Variants in ZNF600 observed in about 807,000 individuals in gnomAD.
ZNF600 encodes the protein zinc finger protein 600, also known as zinc finger protein KR-ZNF1.
Under a neutral mutation model 7.3 loss-of-function variants are expected in ZNF600, and 4 were observed. The observed-to-expected ratio is 0.55, with a 90% CI of 0.27 to 1.25. ZNF600 has a LOEUF of 1.25. ZNF600 is among the 50% of genes most tolerant of loss of function. The pLI is 0.12. For synonymous variants in ZNF600, 290 were observed against 308.9 expected (o/e 0.94, Z 0.64); for missense variants, 911 against 922.1 (o/e 0.99, Z 0.16).
chr19:52,823,496 G>A, the ZNF600 span, among the ~76,000 whole-genome samples: 3 of 152,268 alleles, frequency 2.0e-5, 1 homozygote, highest in East Asian at 1.9e-4. Flanking sequence ...GACTACAGGC[G>A]TGCGCCACCG....
At chr19:52,782,234 A>T (rs778309210) in intron 1 of ZNF600, among the ~76,000 whole-genome samples, 3 of 152,066 alleles carry the variant, frequency 2.0e-5, no homozygotes, top group Admixed American at 6.6e-5. Flanking sequence ...AAAAAAATAA[A>T]AATTAAAGGC....
At chr19:52,811,685 C>T in the ZNF600 span, among the ~76,000 whole-genome samples, 4 of 147,618 alleles carry the variant, frequency 2.7e-5, no homozygotes, top group East Asian at 2.1e-4. Context: ...GTGAGGAGCC[C>T]CTCCGTCCGG....
the ZNF600 span, among the ~76,000 whole-genome samples, chr19:52,795,331 T>C: frequency 6.6e-6 from 1 of 152,140 alleles, no homozygotes; most frequent in Non-Finnish European, 1.5e-5. Flanking sequence ...GCTAAAATCA[T>C]TTATCAGGTA....
chr19:52,810,566 G>C, the ZNF600 span: 15 of 1,593,152 alleles, frequency 9.4e-6, no homozygotes, highest in African/African-American at 1.3e-5. Context: ...AACAGACCGG[G>C]GTCTTCCACG....
chr19:52,768,439 C>CA (rs34209404), intron 3 of ZNF600, among the ~76,000 whole-genome samples: 840 of 66,744 alleles, frequency 0.013, 7 homozygotes, highest in Admixed American at 0.018. Context: ...GACTCCACCT[C>CA]AAAAAAAAAA....
the ZNF600 span, chr19:52,800,995 T>C: frequency 1.2e-6 from 2 of 1,614,066 alleles, no homozygotes; most frequent in Non-Finnish European, 1.7e-6. Flanking sequence ...AAGAGGGATG[T>C]ATTGTGACCA....
At chr19:52,823,860 G>A in the ZNF600 span, among the ~76,000 whole-genome samples, 1 of 151,950 alleles carries the variant, frequency 6.6e-6, no homozygotes, top group African/African-American at 2.4e-5. Context: ...GTCGGAAGTT[G>A]GAGACCGGCC....
At chr19:52,832,864 C>T in the ZNF600 span, among the ~76,000 whole-genome samples, 9 of 152,032 alleles carry the variant, frequency 5.9e-5, no homozygotes, top group African/African-American at 2.2e-4. Flanking sequence ...CTCCACCTCC[C>T]GGATTCAAGT....
chr19:52,787,401 C>CTTTTTTTT (rs1167453014), upstream of ZNF600, among the ~76,000 whole-genome samples: 37 of 114,822 alleles, frequency 3.2e-4, no homozygotes, highest in East Asian at 4.9e-4. Flanking sequence ...CGCTCTTTTA[C>CTTTTTTTT]TTTTTTTTTT....
At chr19:52,799,749 G>T in the ZNF600 span, 1 of 1,613,668 alleles carries the variant, frequency 6.2e-7, no homozygotes, top group South Asian at 1.1e-5. Flanking sequence ...CTGACTGAAG[G>T]TCTTGCCACA....
chr19:52,764,194 GTTTTT>G (rs529224442), downstream of ZNF600: 1 of 150,874 alleles, frequency 6.6e-6, no homozygotes, highest in Non-Finnish European at 1.5e-5. Context: ...CATTTTTAAT[GTTTTT>G]TTTTAATATT....
At chr19:52,809,530 T>G in the ZNF600 span, among the ~76,000 whole-genome samples, 6 of 152,162 alleles carry the variant, frequency 3.9e-5, no homozygotes, top group African/African-American at 9.7e-5. Flanking sequence ...ATTATGGGCC[T>G]GGCGCGGTGG....
chr19:52,826,652 G>A, the ZNF600 span, among the ~76,000 whole-genome samples: 1 of 152,044 alleles, frequency 6.6e-6, no homozygotes, highest in Non-Finnish European at 1.5e-5. Context: ...GTTGCAGTGA[G>A]CCGAGACCAC....
the ZNF600 span, chr19:52,801,220 G>C: frequency 6.2e-7 from 1 of 1,614,018 alleles, no homozygotes; most frequent in South Asian, 1.1e-5. Context: ...TCTCTCATGT[G>C]TACATTCCGT....
the ZNF600 span, chr19:52,801,339 T>C: frequency 6.2e-7 from 1 of 1,614,082 alleles, no homozygotes; most frequent in African/African-American, 1.3e-5. Flanking sequence ...GGAAGCATTG[T>C]TGATAGACTT....
chr19:52,780,470 G>C (rs1396756340), intron 1 of ZNF600, among the ~76,000 whole-genome samples, 111 bp downstream of exon 3: 1 of 152,208 alleles, frequency 6.6e-6, no homozygotes, highest in Non-Finnish European at 1.5e-5. Context: ...AAAGCGACCA[G>C]TGGGGCTGGA....
At chr19:52,789,940 AG>A (rs968998108), upstream of ZNF600, among the ~76,000 whole-genome samples, 3 of 151,760 alleles carry the variant, frequency 2.0e-5, no homozygotes, top group African/African-American at 4.8e-5. Flanking sequence ...CTACAGTCAA[AG>A]GGGGTTTGTT....
chr19:52,778,995 C>T lies in ZNF600; in HGVS notation c.-19-88G>A, dbSNP rs2062699045. On this transcript the variant is annotated intron_variant, in intron 1 of 3. Transcript: ENST00000648973. ...CCACATGAACAGGGGAGACCTCACC[C>T]AGCAGAAAGAAGTCCCCCACCGCCC... The T allele has an allele frequency of 6.3e-6, 8 of 1,279,448 alleles. No homozygotes were observed. The East Asian group carries it at 9.9e-5, about 16-fold the overall frequency. 79.3% of individuals were successfully genotyped at this position (1,279,448 alleles called of 1,614,324 possible).
At chr19:52,770,101 C>G (rs1015803817) in intron 3 of ZNF600, among the ~76,000 whole-genome samples, 6 of 152,176 alleles carry the variant, frequency 3.9e-5, no homozygotes, top group Admixed American at 1.3e-4. Context: ...AGATCACTAC[C>G]TTCTCATGTA....
Sources: allele counts gnomAD v4.1 joint callset (sites outside exome capture counted in the v4.1 genomes callset), GRCh38; gene constraint gnomAD v4.1.1; transcripts MANE v1.5; gene names NCBI Gene and HGNC (gene_info 2026-07-23, HGNC 2026-07-21).